AMBP: variants seen among roughly 807,000 people sequenced by gnomAD.
AMBP encodes the protein alpha-1-microglobulin/bikunin precursor.
AMBP carries 37 observed loss-of-function variants against 46.3 expected under a neutral mutation model. The ratio of observed to expected loss-of-function variants is 0.80; its 90% CI spans 0.61 to 1.05. The LOEUF (loss-of-function observed/expected upper bound fraction) is 1.05, where lower values mean the gene tolerates loss of function less well. Among genes scored for constraint, AMBP ranks in the 50% least tolerant of loss-of-function variants. The pLI is 0.00. For synonymous variants in AMBP, 174 were observed against 175.9 expected (o/e 0.99, Z 0.09); for missense variants, 475 against 461.2 (o/e 1.03, Z -0.27).
intron 9 of AMBP, 104 bp downstream of exon 9, chr9:114,060,821 A>G: frequency 2.3e-6 from 3 of 1,306,168 alleles, no homozygotes; most frequent in Non-Finnish European, 3.2e-6. Context: ...TACCAGGTAC[A>G]GAGTCCAGAA....
At chr9:114,074,406 T>A (rs1466915849) in intron 3 of AMBP, among the ~76,000 whole-genome samples, 1 of 152,164 alleles carries the variant, frequency 6.6e-6, no homozygotes, top group Non-Finnish European at 1.5e-5. Context: ...AATTCTCCCT[T>A]CCTTCCTTCT....
intron 5 of AMBP, among the ~76,000 whole-genome samples, chr9:114,070,212 C>T (rs372671640): frequency 1.2e-3 from 182 of 152,330 alleles, no homozygotes; most frequent in East Asian, 3.3e-3. Context: ...GTGGGCCATC[C>T]GGAGTGGCCG....
At chr9:114,069,902 A>G in intron 5 of AMBP, 157 bp from the exon 6 acceptor site, 1 of 686,650 alleles carries the variant, frequency 1.5e-6, no homozygotes, top group Non-Finnish European at 2.5e-6. Flanking sequence ...GCTCAAGGCC[A>G]TTCACTGGAA....
At chr9:114,072,603 G>A (rs149311737) in intron 5 of AMBP, among the ~76,000 whole-genome samples, 112 of 152,292 alleles carry the variant, frequency 7.4e-4, no homozygotes, top group South Asian at 1.2e-3. Context: ...CAAAGATCCC[G>A]TAACACTCTG....
At chr9:114,069,639 G>T in intron 6 of AMBP, 60 bp downstream of exon 6, 2 of 1,505,324 alleles carry the variant, frequency 1.3e-6, no homozygotes, top group Non-Finnish European at 1.8e-6. Context: ...AGTGTGCAGC[G>T]TGCCTGGGGC....
At chr9:114,077,169 G>C (rs1001365048) in intron 1 of AMBP, among the ~76,000 whole-genome samples, 1 of 152,186 alleles carries the variant, frequency 6.6e-6, no homozygotes, top group Non-Finnish European at 1.5e-5. Flanking sequence ...TAATGAACAT[G>C]ATGGGGTCAT....
In AMBP at chr9:114,060,263, C is replaced by CTCA; in HGVS notation, c.1032_1034dup (p.Asp344dup). 6.2e-7 allele frequency: 1 copy of CTCA among 1,613,382 alleles called. No individual in the cohort carries two copies. The highest frequency in any genetic ancestry group is 1.1e-5 in the South Asian group (1 of 90,724). On this transcript the variant is annotated inframe_insertion, in exon 10 of 10. Coordinates refer to ENST00000265132, the MANE Select transcript of AMBP (RefSeq NM_001633.4). ...GTCAGTTGGAGAAGCGCAGCAGCTC[C>CTCA]TCATCACCTGTGGACACAGAGAGAC...
At chr9:114,067,456 A>G (rs577723610) in intron 6 of AMBP, among the ~76,000 whole-genome samples, 1 of 152,106 alleles carries the variant, frequency 6.6e-6, no homozygotes, top group Admixed American at 6.5e-5. Flanking sequence ...GAATCTCACT[A>G]TGTGGCCCAG....
chr9:114,062,368 G>A (rs1465897966), intron 7 of AMBP, among the ~76,000 whole-genome samples: 4 of 152,186 alleles, frequency 2.6e-5, no homozygotes, highest in African/African-American at 9.7e-5. Flanking sequence ...AGCCCCACAG[G>A]CTATTATCCC....
Position 114,078,253 on chromosome 9 carries a change from T to C in AMBP, c.-44A>G. On this transcript the variant is annotated 5_prime_UTR_variant, in exon 1 of 10. Transcript: ENST00000265132. ...CTTGGTATATCCCACAGGCTCGGTCTAGCAACAGAAGGGCCACCGCCTCCC... is the reference window on the plus strand; with the variant it reads ...CTTGGTATATCCCACAGGCTCGGTCCAGCAACAGAAGGGCCACCGCCTCCC... 1 of 1,579,878 alleles carries C rather than the reference T, an allele frequency of 6.3e-7. No individual in the cohort carries two copies. Among genetic ancestry groups the C allele is most frequent in the Non-Finnish European group, 8.6e-7 (1 of 1,156,534 alleles).
intron 9 of AMBP, 43 bp from the exon 10 acceptor site, chr9:114,060,313 A>G: frequency 6.2e-7 from 1 of 1,608,446 alleles, no homozygotes; most frequent in East Asian, 2.2e-5. Context: ...GTAGGCAGGG[A>G]CACTCAGGGA....
chr9:114,074,939 G>A, intron 3 of AMBP, 21 bp downstream of exon 3: 2 of 1,604,582 alleles, frequency 1.2e-6, no homozygotes, highest in Non-Finnish European at 1.7e-6. Context: ...GAATGCATGT[G>A]TCTCTTTCCA....
chr9:114,076,246 G>C lies in AMBP; in HGVS notation c.260+352C>G, dbSNP rs148245855. Among the ~76,000 whole-genome samples the C allele has an allele frequency of 7.6e-3, 1,158 of 151,846 alleles. 53 individuals are homozygous for C. Among genetic ancestry groups the C allele is most frequent in the Admixed American group, 0.062 (952 of 15,260 alleles). ...TGGAGAGGGGAGAAGTGAACAGGTT[G>C]GGGGGGATTTAGGAGGAGAATGGGC... is the stretch of plus-strand genomic sequence containing the variant. On this transcript the variant is annotated intron_variant, in intron 2 of 9. Transcript: ENST00000265132.
chr9:114,069,067 CAT>C (rs958498953), intron 6 of AMBP, among the ~76,000 whole-genome samples: 3 of 151,560 alleles, frequency 2.0e-5, no homozygotes, highest in African/African-American at 4.8e-5. Context: ...TATATATACA[CAT>C]ATATATATAC....
At chr9:114,061,336 T>C in intron 8 of AMBP, 88 bp downstream of exon 8, 1 of 1,589,922 alleles carries the variant, frequency 6.3e-7, no homozygotes, top group Non-Finnish European at 8.6e-7. Context: ...ATGCCCTCTG[T>C]TAGCTACCTT....
intron 6 of AMBP, among the ~76,000 whole-genome samples, chr9:114,064,849 T>C (rs753919875): frequency 6.6e-6 from 1 of 152,226 alleles, no homozygotes; most frequent in African/African-American, 2.4e-5. Context: ...TGGTATGTCA[T>C]CAGATTTATT....
chr9:114,061,309 G>A lies in AMBP; in HGVS notation c.853+115C>T, dbSNP rs760165856. The stretch of plus-strand genomic sequence containing the variant: ...TTCCTAAGATTTCAGGAAACCGCCT[G>A]GAGTTCTACCACTGGAATGCCCTCT... On this transcript the variant is annotated intron_variant, in intron 8 of 9. Coordinates refer to ENST00000265132, the MANE Select transcript of AMBP (RefSeq NM_001633.4). The A allele has an allele frequency of 1.5e-5, 23 of 1,519,876 alleles. No individual in the cohort carries two copies. In the Middle Eastern group the frequency reaches 5.2e-4, roughly 34 times the overall value. 94.1% of individuals were successfully genotyped at this position (1,519,876 alleles called of 1,614,324 possible). A position where few individuals can be genotyped will look rare whatever the true frequency, so the allele number is the denominator to read the frequency against.
rs140782864 is a variant in AMBP, at chr9:114,073,250, CT to C, written c.455-225del. ...TGAGTCCCCACAAAGGACTCTTCCC[CT>C]TTTTTTTTTTTTTGAGACGGAGTCT... On this transcript the variant is annotated intron_variant, in intron 4 of 9. Transcript: ENST00000265132. Among the ~76,000 whole-genome samples the C allele has an allele frequency of 1.5e-3, 219 of 145,856 alleles. 2 individuals are homozygous for C. The highest frequency in any genetic ancestry group is 1.6e-3 in the Admixed American group (24 of 14,672).
In AMBP at chr9:114,067,227, T is replaced by A. The variant is rs966288662; in HGVS notation, c.603+2472A>T. On this transcript the variant is annotated intron_variant, in intron 6 of 9. Coordinates refer to ENST00000265132, the MANE Select transcript of AMBP (RefSeq NM_001633.4). ...TGCTGGGATTACAGGTGTGAGCCAC[T>A]ATGCCTGGCTCAGGATGTATATTTT... 2.0e-4 allele frequency among the ~76,000 whole-genome samples: 30 copies of A among 152,112 alleles called. 3 individuals carry two copies. The highest frequency in any genetic ancestry group is 1.8e-3 in the Admixed American group (28 of 15,278).
Sources: gnomAD v4.1 joint callset for allele counts (sites outside exome capture counted in the v4.1 genomes callset) on GRCh38, gnomAD v4.1.1 for gene constraint, MANE v1.5 for transcripts, NCBI Gene and HGNC (gene_info 2026-07-23, HGNC 2026-07-21) for gene names.